PHF24: variants seen among roughly 807,000 people sequenced by gnomAD.
PHF24 encodes PHD finger protein 24, also known as Galpha inhibitory interacting protein.
A neutral mutation model predicts 42.6 loss-of-function variants in PHF24; 25 were observed. The observed-to-expected ratio is 0.59, with a 90% CI of 0.43 to 0.82. PHF24 has a LOEUF of 0.82. Among genes scored for constraint, PHF24 ranks in the 40% least tolerant of loss-of-function variants. PHF24 has a pLI of 0.00. For missense variants in PHF24, 470 were observed against 538.1 expected (o/e 0.87, Z 1.25); for synonymous variants, 185 against 204.8 (o/e 0.90, Z 0.83).
the PHF24 span, chr9:34,889,309 T>G: frequency 2.5e-6 from 1 of 398,500 alleles, no homozygotes; most frequent in Non-Finnish European, 4.4e-6. Flanking sequence ...TTTGTAGGAG[T>G]GGCACAGGAC....
chr9:34,850,966 C>T, the PHF24 span, among the ~76,000 whole-genome samples: 2 of 152,158 alleles, frequency 1.3e-5, no homozygotes, highest in Non-Finnish European at 2.9e-5. Flanking sequence ...GAAGTTTTGT[C>T]TCAGAGGAGT....
the PHF24 span, among the ~76,000 whole-genome samples, chr9:34,672,328 G>A: frequency 1.3e-5 from 2 of 152,000 alleles, no homozygotes; most frequent in South Asian, 4.2e-4. Flanking sequence ...TTGATGTTTG[G>A]ATGCTAGGAG....
At chr9:34,779,872 C>T in the PHF24 span, among the ~76,000 whole-genome samples, 64 of 152,150 alleles carry the variant, frequency 4.2e-4, 1 homozygote, top group Non-Finnish European at 7.9e-4. Flanking sequence ...AGTACAGGCG[C>T]CTGCCAACAC....
the PHF24 span, among the ~76,000 whole-genome samples, chr9:34,671,850 TC>T: frequency 1.3e-5 from 2 of 152,030 alleles, no homozygotes; most frequent in Admixed American, 6.6e-5. Context: ...CATCCATCCA[TC>T]CATGTGTCTA....
chr9:34,959,312 A>G (rs1826508437), intron 1 of PHF24, among the ~76,000 whole-genome samples: 1 of 152,220 alleles, frequency 6.6e-6, no homozygotes, highest in Non-Finnish European at 1.5e-5. Context: ...GAGCACCAGT[A>G]CGCTAGGCAG....
chr9:34,909,058 C>T, the PHF24 span, among the ~76,000 whole-genome samples: 1 of 151,798 alleles, frequency 6.6e-6, no homozygotes, highest in Non-Finnish European at 1.5e-5. Flanking sequence ...CCATGTTGGT[C>T]AGGCTGGTCT....
chr9:34,757,225 C>A, the PHF24 span, among the ~76,000 whole-genome samples: 1 of 151,412 alleles, frequency 6.6e-6, no homozygotes, highest in Non-Finnish European at 1.5e-5. Context: ...TCATAGATTT[C>A]TTTGTAGAGA....
At chr9:34,761,209 C>A in the PHF24 span, among the ~76,000 whole-genome samples, 1 of 152,098 alleles carries the variant, frequency 6.6e-6, no homozygotes, top group East Asian at 1.9e-4. Flanking sequence ...CCTCTCTCAA[C>A]TTCTGGTGTT....
chr9:34,682,150 ATT>A, the PHF24 span, among the ~76,000 whole-genome samples: 7 of 93,098 alleles, frequency 7.5e-5, no homozygotes, highest in Admixed American at 1.2e-4. Context: ...AATTATTTCT[ATT>A]TTTTTTTTTT....
the PHF24 span, among the ~76,000 whole-genome samples, chr9:34,707,973 G>A: frequency 3.3e-5 from 5 of 151,962 alleles, no homozygotes; most frequent in South Asian, 4.1e-4. Context: ...CTCATGATCC[G>A]CCTGCCTTGG....
the PHF24 span, among the ~76,000 whole-genome samples, chr9:34,684,997 T>C: frequency 2.6e-4 from 40 of 152,226 alleles, no homozygotes; most frequent in Non-Finnish European, 5.3e-4. Context: ...CTTGCTGTTT[T>C]CCTCCAACCC....
chr9:34,674,534 T>C, the PHF24 span, among the ~76,000 whole-genome samples: 2 of 152,268 alleles, frequency 1.3e-5, no homozygotes, highest in African/African-American at 4.8e-5. Flanking sequence ...CATAGATATA[T>C]TTAAATGAAT....
chr9:34,837,754 G>A, the PHF24 span: 8 of 1,154,086 alleles, frequency 6.9e-6, no homozygotes, highest in Non-Finnish European at 1.0e-5. Context: ...TCTTTCTCAT[G>A]TCCAAAATGA....
the PHF24 span, among the ~76,000 whole-genome samples, chr9:34,706,114 C>CT: frequency 6.6e-6 from 1 of 152,060 alleles, no homozygotes; most frequent in Non-Finnish European, 1.5e-5. Flanking sequence ...AAGTGCACTA[C>CT]TTTTGTCTGC....
the PHF24 span, among the ~76,000 whole-genome samples, chr9:34,906,139 GA>G: frequency 6.6e-6 from 1 of 151,976 alleles, no homozygotes; most frequent in African/African-American, 2.4e-5. Context: ...GCTGTTAGTG[GA>G]AAAAAATAGA....
the PHF24 span, among the ~76,000 whole-genome samples, chr9:34,873,522 C>T: frequency 2.6e-4 from 40 of 151,056 alleles, no homozygotes; most frequent in Middle Eastern, 0.017. Flanking sequence ...TGTAGATATG[C>T]GGCATTATTT....
At chr9:34,750,114 G>A in the PHF24 span, among the ~76,000 whole-genome samples, 1 of 151,926 alleles carries the variant, frequency 6.6e-6, no homozygotes, top group African/African-American at 2.4e-5. Context: ...TTAATGAGCA[G>A]CAAAAAATGA....
the PHF24 span, among the ~76,000 whole-genome samples, chr9:34,939,504 G>T: frequency 1.3e-5 from 2 of 152,154 alleles, no homozygotes; most frequent in African/African-American, 2.4e-5. Flanking sequence ...GGTTGGATAG[G>T]TCAGGCCTTA....
chr9:34,809,277 G>T, the PHF24 span, among the ~76,000 whole-genome samples: 3 of 152,124 alleles, frequency 2.0e-5, no homozygotes, highest in Admixed American at 1.3e-4. The surrounding 1 kb of genome is among the most constrained non-coding windows in gnomAD (Gnocchi z 4.1). Flanking sequence ...TTTAAATAAG[G>T]TCTTCAGCAT....
Sources: allele counts gnomAD v4.1 joint callset (sites outside exome capture counted in the v4.1 genomes callset), GRCh38; gene constraint gnomAD v4.1.1; non-coding constraint Gnocchi (gnomAD v3.1); transcripts MANE v1.5; gene names NCBI Gene and HGNC (gene_info 2026-07-23, HGNC 2026-07-21).